The following GALNT13 variants were observed in gnomAD, a reference collection of about 807,000 sequenced individuals.
GALNT13 encodes the protein UDP-GalNAc:polypeptide N-acetylgalactosaminyltransferase 13.
A neutral mutation model predicts 64.2 loss-of-function variants in GALNT13; 28 were observed. The observed-to-expected ratio is 0.44, with a 90% CI of 0.32 to 0.60. GALNT13 has a LOEUF of 0.60. GALNT13 is among the 20% of genes least tolerant of loss of function. The pLI is 0.05. For synonymous variants in GALNT13, 214 were observed against 224.6 expected (o/e 0.95, Z 0.42); for missense variants, 577 against 669.8 (o/e 0.86, Z 1.53).
At chr2:154,190,774 A>G (rs1039431181) in intron 4 of GALNT13, among the ~76,000 whole-genome samples, 11 of 152,158 alleles carry the variant, frequency 7.2e-5, no homozygotes, top group Non-Finnish European at 1.6e-4. Flanking sequence ...ATGTAATTGT[A>G]TTTTTTCCTA....
At chr2:153,719,665 G>C in the GALNT13 span, among the ~76,000 whole-genome samples, 2 of 152,164 alleles carry the variant, frequency 1.3e-5, no homozygotes, top group African/African-American at 4.8e-5. Context: ...CAAGGGGTCA[G>C]GGAGTTCCCT....
At chr2:153,275,197 ATTTAG>A in the GALNT13 span, among the ~76,000 whole-genome samples, 2 of 152,110 alleles carry the variant, frequency 1.3e-5, no homozygotes, top group African/African-American at 4.8e-5. Flanking sequence ...AGAAACACAC[ATTTAG>A]TTTAGTGAGT....
intron 1 of GALNT13, among the ~76,000 whole-genome samples, chr2:153,892,594 C>A (rs1158560768): frequency 1.3e-5 from 2 of 152,016 alleles, no homozygotes; most frequent in Non-Finnish European, 2.9e-5. Context: ...TCTTTAATTT[C>A]TAGAAATTTA....
the GALNT13 span, among the ~76,000 whole-genome samples, chr2:153,789,147 ATTC>A: frequency 6.6e-6 from 1 of 152,284 alleles, no homozygotes; most frequent in South Asian, 2.1e-4. Context: ...CAGAATATAT[ATTC>A]TTCTTATTGC....
At chr2:154,195,845 C>T (rs1197637945) in intron 4 of GALNT13, among the ~76,000 whole-genome samples, 1 of 152,118 alleles carries the variant, frequency 6.6e-6, no homozygotes, top group Non-Finnish European at 1.5e-5. Context: ...CACTGGGGAG[C>T]ATCTATTCTG....
At chr2:153,202,018 C>T in the GALNT13 span, among the ~76,000 whole-genome samples, 4 of 144,368 alleles carry the variant, frequency 2.8e-5, no homozygotes, top group Non-Finnish European at 4.5e-5. Flanking sequence ...CGCTCTGTCG[C>T]CCAGGCCGGA....
At chr2:153,220,195 G>A in the GALNT13 span, among the ~76,000 whole-genome samples, 1 of 152,194 alleles carries the variant, frequency 6.6e-6, no homozygotes, top group Non-Finnish European at 1.5e-5. Context: ...GAGTGGGGCA[G>A]GAGAGGGCTC....
At chr2:153,739,414 A>C in the GALNT13 span, among the ~76,000 whole-genome samples, 2 of 151,284 alleles carry the variant, frequency 1.3e-5, no homozygotes, top group Non-Finnish European at 3.0e-5. Context: ...TCTTGTGTGC[A>C]AGGTTTTCTT....
intron 3 of GALNT13, among the ~76,000 whole-genome samples, chr2:154,010,514 TC>T (rs1326208195): frequency 6.6e-6 from 1 of 152,192 alleles, no homozygotes; most frequent in African/African-American, 2.4e-5. Context: ...GACTTTTGTG[TC>T]TATGTTCATC....
rs1341373277 is a variant in GALNT13, at chr2:154,043,455, T to TATATATATACACAC, written c.143-96881_143-96880insTATATATACACACA. Among the ~76,000 whole-genome samples, 176 of 104,746 alleles carry TATATATATACACAC rather than the reference T, an allele frequency of 1.7e-3. 1 individual carries two copies. The highest frequency in any genetic ancestry group is 3.8e-3 in the East Asian group (6 of 1,572). The allele number at this position is 104,746 out of a possible 152,430, so 68.7% of individuals were successfully genotyped here. On this transcript the variant is annotated intron_variant, in intron 3 of 12. Transcript: ENST00000392825. The stretch of plus-strand genomic sequence containing the variant: ...ATATATATATATATATATATATATA[T>TATATATATACACAC]ACACACATGTATACATAAAAACATG...
At chr2:153,719,062 A>G in the GALNT13 span, among the ~76,000 whole-genome samples, 6 of 151,710 alleles carry the variant, frequency 4.0e-5, no homozygotes, top group African/African-American at 1.5e-4. Flanking sequence ...ATTCCACTGA[A>G]TCTCTGTTGA....
At chr2:154,250,331 T>G (rs1479872447) in intron 7 of GALNT13, among the ~76,000 whole-genome samples, 1 of 152,086 alleles carries the variant, frequency 6.6e-6, no homozygotes, top group Non-Finnish European at 1.5e-5. Context: ...TCAATTTCTC[T>G]ACAATGTAAA....
At chr2:153,707,224 C>T in the GALNT13 span, among the ~76,000 whole-genome samples, 2 of 152,082 alleles carry the variant, frequency 1.3e-5, no homozygotes, top group Non-Finnish European at 2.9e-5. Context: ...AGCATGAAAA[C>T]GGACTAATAC....
chr2:153,810,264 A>C, the GALNT13 span, among the ~76,000 whole-genome samples: 3 of 152,138 alleles, frequency 2.0e-5, no homozygotes, highest in Non-Finnish European at 4.4e-5. Flanking sequence ...CTCCAGGCCA[A>C]CATTTCTTAG....
the GALNT13 span, among the ~76,000 whole-genome samples, chr2:153,508,449 A>G: frequency 2.0e-5 from 3 of 152,054 alleles, no homozygotes; most frequent in African/African-American, 7.3e-5. Flanking sequence ...TCCCACGTGG[A>G]GTATGGCTGC....
chr2:154,034,822 C>T (rs13383990), intron 3 of GALNT13, among the ~76,000 whole-genome samples: 2 of 152,006 alleles, frequency 1.3e-5, no homozygotes, highest in African/African-American at 2.4e-5. Context: ...TGCTCAACAC[C>T]GCTAATCACA....
At chr2:154,205,425 A>G (rs191039257) in intron 4 of GALNT13, among the ~76,000 whole-genome samples, 3 of 152,338 alleles carry the variant, frequency 2.0e-5, no homozygotes, top group Admixed American at 1.3e-4. Context: ...AGTATAAAAT[A>G]TATACATTTA....
chr2:153,908,628 C>T (rs1159927387), intron 2 of GALNT13, among the ~76,000 whole-genome samples: 1 of 152,038 alleles, frequency 6.6e-6, no homozygotes, highest in African/African-American at 2.4e-5. Context: ...GTTATCCAAG[C>T]ACACTCCCAT....
intron 11 of GALNT13, among the ~76,000 whole-genome samples, chr2:154,418,872 G>C (rs1447770901): frequency 6.6e-6 from 1 of 152,240 alleles, no homozygotes; most frequent in East Asian, 1.9e-4. Flanking sequence ...AACATGTTGT[G>C]ATAGCTAGAA....
Sources: allele counts gnomAD v4.1 joint callset (sites outside exome capture counted in the v4.1 genomes callset), GRCh38; gene constraint gnomAD v4.1.1; transcripts MANE v1.5; gene names NCBI Gene and HGNC (gene_info 2026-07-23, HGNC 2026-07-21).